ARHGEF6: variants seen among roughly 807,000 people sequenced by gnomAD.
ARHGEF6 encodes the protein rho guanine nucleotide exchange factor 6.
A neutral mutation model predicts 70.3 loss-of-function variants in ARHGEF6; 9 were observed. The ratio of observed to expected loss-of-function variants is 0.13; its 90% CI spans 0.08 to 0.22. ARHGEF6 has a LOEUF of 0.22. Ranked by LOEUF, ARHGEF6 falls within the 10% of genes least tolerant of loss-of-function variation. The pLI is 1.00. For synonymous variants in ARHGEF6, 201 were observed against 207.8 expected (o/e 0.97, Z 0.28); for missense variants, 470 against 563.0 (o/e 0.83, Z 1.67).
intron 6 of ARHGEF6, among the ~76,000 whole-genome samples, chrX:136,727,361 C>CTT (rs1445778378): frequency 1.6e-5 from 1 of 63,994 alleles, no homozygotes; most frequent in Non-Finnish European, 2.8e-5. Flanking sequence ...TTCTTTCTTT[C>CTT]TTTCTTTCTT....
chrX:136,701,650 G>A (rs2076571450), intron 9 of ARHGEF6, among the ~76,000 whole-genome samples: 1 of 102,437 alleles, frequency 9.8e-6, no homozygotes, highest in African/African-American at 3.6e-5. Context: ...TGGATACATG[G>A]AAAAAAGTAT....
Position 136,667,604 on chromosome X carries a change from G to A in ARHGEF6, c.*425C>T, listed in dbSNP as rs2076173635. On this transcript the variant is annotated 3_prime_UTR_variant, in exon 22 of 22. Coordinates refer to ENST00000250617, the MANE Select transcript of ARHGEF6 (RefSeq NM_004840.3). ...TTGGGTTCACATTTAATAAGCCTTG[G>A]CCAGCTGCTTTGCAAGGGCAGCCAG... 2 of 176,925 alleles carry A rather than the reference G, an allele frequency of 1.1e-5. No individual in the cohort carries two copies. Among genetic ancestry groups the A allele is most frequent in the South Asian group, 2.1e-4 (2 of 9,548 alleles). The allele number at this position is 176,925 out of a possible 1,213,427, so 14.6% of individuals were successfully genotyped here. A position where few individuals can be genotyped will look rare whatever the true frequency, so the allele number is the denominator to read the frequency against.
At chrX:136,677,674 A>G (rs998164352) in intron 17 of ARHGEF6, among the ~76,000 whole-genome samples, 3 of 111,694 alleles carry the variant, frequency 2.7e-5, no homozygotes, top group African/African-American at 9.8e-5. Context: ...AAACTCTCAC[A>G]TGACAAAAAT....
At chrX:136,780,279 T>C (rs2077437130) in intron 1 of ARHGEF6, among the ~76,000 whole-genome samples, 1 of 111,866 alleles carries the variant, frequency 8.9e-6, no homozygotes, top group African/African-American at 3.3e-5. Flanking sequence ...TCTCCTTCAA[T>C]GGATTTTTCT....
At chrX:136,670,337 G>A (rs1195758409) in intron 20 of ARHGEF6, among the ~76,000 whole-genome samples, 2 of 111,657 alleles carry the variant, frequency 1.8e-5, no homozygotes, top group Non-Finnish European at 3.8e-5. Context: ...CAACAAAGGC[G>A]GAAAAAGAAA....
intron 2 of ARHGEF6, among the ~76,000 whole-genome samples, chrX:136,765,360 T>C (rs1305077300): frequency 2.7e-5 from 3 of 112,377 alleles, no homozygotes; most frequent in Non-Finnish European, 5.6e-5. Context: ...TTTGTAAAGA[T>C]TGAAGTAATG....
At chrX:136,683,802 G>C (rs766362918) in intron 12 of ARHGEF6, among the ~76,000 whole-genome samples, 1 of 111,302 alleles carries the variant, frequency 9.0e-6, no homozygotes, top group Non-Finnish European at 1.9e-5. Flanking sequence ...AACCCTTCCA[G>C]GCTAACTATT....
rs991477716 is a variant in ARHGEF6 at position 136,672,243 on chromosome X, T to G, written c.2036-124A>C. 5 of 576,067 alleles carry G rather than the reference T, an allele frequency of 8.7e-6. No homozygotes were observed. In the Middle Eastern group the frequency reaches 1.5e-3, roughly 167 times the overall value. 47.5% of individuals were successfully genotyped at this position (576,067 alleles called of 1,213,427 possible). ...TCTTTGTTCATAGCATGTTGCTACA[T>G]TACACCCAGAGGACAGTCACCCATC... On this transcript the variant is annotated intron_variant, in intron 19 of 21. Coordinates refer to ENST00000250617, the MANE Select transcript of ARHGEF6 (RefSeq NM_004840.3).
chrX:136,677,391 T>C (rs1413113215), intron 17 of ARHGEF6, among the ~76,000 whole-genome samples: 3 of 111,966 alleles, frequency 2.7e-5, no homozygotes, highest in Non-Finnish European at 5.6e-5. Flanking sequence ...AATAAATGTA[T>C]TGAATTTGTT....
chrX:136,728,679 A>G (rs1855516438), intron 6 of ARHGEF6, among the ~76,000 whole-genome samples: 1 of 108,834 alleles, frequency 9.2e-6, no homozygotes, highest in Non-Finnish European at 1.9e-5. Context: ...GGTTTTCCAG[A>G]TGAGATTAGC....
At chrX:136,749,543 C>G (rs1041071857) in intron 2 of ARHGEF6, among the ~76,000 whole-genome samples, 1 of 111,681 alleles carries the variant, frequency 9.0e-6, no homozygotes, top group Non-Finnish European at 1.9e-5. Flanking sequence ...TGTTCCTTAT[C>G]CAGGGTTATT....
chrX:136,676,776 G>T, intron 17 of ARHGEF6, 59 bp from the exon 18 acceptor site: 1 of 831,847 alleles, frequency 1.2e-6, no homozygotes, highest in Non-Finnish European at 1.8e-6. Context: ...AAAAGTAAAA[G>T]CATGAATGAA....
At chrX:136,675,693 A>AC (rs2076275113) in intron 18 of ARHGEF6, among the ~76,000 whole-genome samples, 1 of 107,263 alleles carries the variant, frequency 9.3e-6, no homozygotes, top group Non-Finnish European at 1.9e-5. Flanking sequence ...TTTTTTTTGT[A>AC]TTTTTTTTAG....
intron 2 of ARHGEF6, chrX:136,767,532 C>T (rs1480063054): frequency 1.3e-6 from 1 of 753,679 alleles, no homozygotes; most frequent in Non-Finnish European, 1.6e-6. Context: ...ATAGCCGTGC[C>T]GCTCGGCGGG....
intron 7 of ARHGEF6, among the ~76,000 whole-genome samples, chrX:136,712,005 G>A (rs2076690458): frequency 8.9e-6 from 1 of 112,665 alleles, no homozygotes; most frequent in Non-Finnish European, 1.9e-5. Context: ...AAGAACAAAG[G>A]CATTATAACT....
At chrX:136,712,034 A>G (rs373612443) in intron 7 of ARHGEF6, among the ~76,000 whole-genome samples, 46 of 112,690 alleles carry the variant, frequency 4.1e-4, no homozygotes, top group African/African-American at 1.3e-3. Context: ...ATAATTTGGA[A>G]AAGGGGAGAA....
At chrX:136,675,570 C>T (rs1285049165) in intron 18 of ARHGEF6, among the ~76,000 whole-genome samples, 1 of 110,113 alleles carries the variant, frequency 9.1e-6, no homozygotes, top group Non-Finnish European at 1.9e-5. Context: ...GGCTGGAGTG[C>T]AGTGGCGCGA....
intron 9 of ARHGEF6, among the ~76,000 whole-genome samples, chrX:136,693,470 T>C (rs2076478734): frequency 8.9e-6 from 1 of 111,831 alleles, no homozygotes; most frequent in African/African-American, 3.3e-5. Flanking sequence ...AAATATATAT[T>C]GTTATACCAA....
chrX:136,728,814 G>A (rs143064246), intron 6 of ARHGEF6, among the ~76,000 whole-genome samples: 2,277 of 109,203 alleles, frequency 0.021, 35 homozygotes, highest in Non-Finnish European at 0.029. Context: ...CTCTGTCTGC[G>A]TATTTGAGCT....
Sources: gnomAD v4.1 joint callset for allele counts (sites outside exome capture counted in the v4.1 genomes callset) on GRCh38, gnomAD v4.1.1 for gene constraint, MANE v1.5 for transcripts, NCBI Gene and HGNC (gene_info 2026-07-23, HGNC 2026-07-21) for gene names.